Variants in EPHB1 observed in about 807,000 individuals in gnomAD.
EPHB1 encodes the protein EPH receptor B1.
In EPHB1, 30 loss-of-function variants were observed where a neutral mutation model predicts 94.4. The observed-to-expected ratio is 0.32, with a 90% confidence interval of 0.24 to 0.43. The LOEUF (loss-of-function observed/expected upper bound fraction) is 0.43, where lower values mean the gene tolerates loss of function less well. EPHB1 is among the 20% of genes least tolerant of loss of function. The pLI, the probability that EPHB1 is intolerant of heterozygous loss-of-function variation, is 1.00. For synonymous variants in EPHB1, 522 were observed against 489.1 expected (o/e 1.07, Z -0.89); for missense variants, 1,055 against 1,308.3 (o/e 0.81, Z 2.99).
chr3:135,217,424 C>CCACA (rs200312241), intron 12 of EPHB1, among the ~76,000 whole-genome samples: 2,572 of 143,448 alleles, frequency 0.018, 30 homozygotes, highest in Non-Finnish European at 0.02. Context: ...CCCATCAGTA[C>CCACA]CACACACACA....
intron 3 of EPHB1, among the ~76,000 whole-genome samples, chr3:135,031,239 G>C (rs1936455199): frequency 6.6e-6 from 1 of 152,032 alleles, no homozygotes; most frequent in South Asian, 2.1e-4. Context: ...GGCCCTCTTG[G>C]CTCCTCCCTC....
chr3:135,130,350 T>C (rs981744786), intron 4 of EPHB1, among the ~76,000 whole-genome samples: 2 of 152,184 alleles, frequency 1.3e-5, no homozygotes, highest in African/African-American at 4.8e-5. Context: ...GATTGAATTG[T>C]GTTCCCTGGA....
chr3:135,044,452 A>C (rs1003456648), intron 3 of EPHB1, among the ~76,000 whole-genome samples: 5 of 152,202 alleles, frequency 3.3e-5, no homozygotes, highest in Non-Finnish European at 4.4e-5. Context: ...TGTGCTGCTG[A>C]CTAGTGTGCT....
intron 1 of EPHB1, among the ~76,000 whole-genome samples, chr3:134,913,273 G>A (rs563182365): frequency 2.6e-5 from 4 of 152,192 alleles, no homozygotes; most frequent in Non-Finnish European, 4.4e-5. Flanking sequence ...GAGGGGTGAG[G>A]GGGGAGCTCA....
At chr3:135,155,277 G>A (rs558413580) in intron 6 of EPHB1, among the ~76,000 whole-genome samples, 1 of 152,280 alleles carries the variant, frequency 6.6e-6, no homozygotes, top group Admixed American at 6.5e-5. Context: ...TAGAGGGGTA[G>A]AGATAGGCCT....
chr3:134,986,273 G>A (rs1934590822), intron 3 of EPHB1, among the ~76,000 whole-genome samples: 1 of 152,204 alleles, frequency 6.6e-6, no homozygotes, highest in Non-Finnish European at 1.5e-5. Context: ...AGTGGTGACA[G>A]GGTATTCAGT....
intron 5 of EPHB1, among the ~76,000 whole-genome samples, chr3:135,138,949 C>A (rs994581156): frequency 6.6e-6 from 1 of 152,192 alleles, no homozygotes; most frequent in Non-Finnish European, 1.5e-5. Context: ...TGGCACTGCC[C>A]CTGACCAATG....
chr3:135,211,029 T>C (rs1031668773), intron 12 of EPHB1, among the ~76,000 whole-genome samples: 1 of 152,230 alleles, frequency 6.6e-6, no homozygotes, highest in African/African-American at 2.4e-5. Context: ...TTACTTATTC[T>C]TGATTTTCAG....
chr3:134,878,111 G>A lies in EPHB1; in HGVS notation c.59-47705G>A, dbSNP rs544005341. Reference sequence around the variant, plus strand: ...TGACAGGTTTTCCAACCCCAGCTGAGGACGGCCTTGGGTGCTGAGGCTGGA... The same window carrying A: ...TGACAGGTTTTCCAACCCCAGCTGAAGACGGCCTTGGGTGCTGAGGCTGGA... On this transcript the variant is annotated intron_variant, in intron 1 of 15. Transcript: ENST00000398015. Among the ~76,000 whole-genome samples, 12 of 152,314 alleles carry A rather than the reference G, an allele frequency of 7.9e-5. No individual in the cohort carries two copies. The South Asian group carries it at 2.5e-3, about 32-fold the overall frequency.
chr3:135,077,467 T>G (rs555343095), intron 3 of EPHB1, among the ~76,000 whole-genome samples: 3 of 152,226 alleles, frequency 2.0e-5, no homozygotes, highest in Non-Finnish European at 4.4e-5. Context: ...ACTCTGTTTT[T>G]CTGAAGCCTA....
intron 3 of EPHB1, among the ~76,000 whole-genome samples, chr3:135,025,061 G>C (rs1359440706): frequency 6.7e-6 from 1 of 148,404 alleles, no homozygotes; most frequent in Non-Finnish European, 1.5e-5. Context: ...GTTAAATGTA[G>C]CGTGTTTAGA....
At chr3:135,142,123 A>G (rs768021716) in intron 5 of EPHB1, among the ~76,000 whole-genome samples, 2 of 152,156 alleles carry the variant, frequency 1.3e-5, no homozygotes, top group Non-Finnish European at 2.9e-5. Flanking sequence ...TCAGGCTTCT[A>G]TTTTCTCTGG....
intron 9 of EPHB1, among the ~76,000 whole-genome samples, chr3:135,170,620 G>T (rs1941779562): frequency 6.6e-6 from 1 of 152,138 alleles, no homozygotes; most frequent in African/African-American, 2.4e-5. Context: ...TTGCCTGGAT[G>T]AGATGATTTA....
chr3:134,908,505 T>G (rs150178977), intron 1 of EPHB1, among the ~76,000 whole-genome samples: 11 of 152,380 alleles, frequency 7.2e-5, no homozygotes, highest in African/African-American at 2.2e-4. Flanking sequence ...AATAGGGCTT[T>G]TGTGAGTTCC....
At chr3:134,819,299 A>G (rs1453535062) in intron 1 of EPHB1, among the ~76,000 whole-genome samples, 2 of 151,908 alleles carry the variant, frequency 1.3e-5, no homozygotes. Context: ...GCAGCCTCCC[A>G]TTTGTGCATA....
At chr3:135,145,471 T>C (rs1940982176) in intron 5 of EPHB1, among the ~76,000 whole-genome samples, 1 of 152,154 alleles carries the variant, frequency 6.6e-6, no homozygotes, top group Non-Finnish European at 1.5e-5. Context: ...TATAAACTTT[T>C]CAGAGTCTGG....
intron 3 of EPHB1, among the ~76,000 whole-genome samples, chr3:135,005,714 C>T (rs910942302): frequency 5.3e-5 from 8 of 152,176 alleles, no homozygotes; most frequent in Middle Eastern, 3.2e-3. Flanking sequence ...GGGAGTGTCC[C>T]GATTTTCCAG....
intron 12 of EPHB1, among the ~76,000 whole-genome samples, chr3:135,213,143 A>G (rs753679584): frequency 1.1e-4 from 17 of 152,244 alleles, no homozygotes; most frequent in Non-Finnish European, 2.2e-4. Flanking sequence ...TTAATTCTCC[A>G]CCTTGTTTTC....
At chr3:135,015,658 G>A (rs920489075) in intron 3 of EPHB1, among the ~76,000 whole-genome samples, 1 of 152,168 alleles carries the variant, frequency 6.6e-6, no homozygotes, top group Non-Finnish European at 1.5e-5. Flanking sequence ...ACAGAGATCT[G>A]CTGACTATGA....
Sources: allele counts gnomAD v4.1 joint callset (sites outside exome capture counted in the v4.1 genomes callset), GRCh38; gene constraint gnomAD v4.1.1; transcripts MANE v1.5; gene names NCBI Gene and HGNC (gene_info 2026-07-23, HGNC 2026-07-21).